The following SLC26A7 variants were observed in gnomAD, a reference collection of about 807,000 sequenced individuals.
SLC26A7 encodes the protein anion exchange transporter.
In SLC26A7, 59 loss-of-function variants were observed where a neutral mutation model predicts 82.5. That is an observed-to-expected ratio of 0.72 (90% CI 0.58 to 0.89). SLC26A7 has a LOEUF of 0.89. SLC26A7 is among the 40% of genes least tolerant of loss of function. The probability of loss-of-function intolerance (pLI) is 0.00; values close to 1 mark genes in which losing one functional copy is unlikely to be tolerated. For missense variants in SLC26A7, 820 were observed against 793.0 expected, an observed-to-expected ratio of 1.03 and a Z score of -0.41; for synonymous variants, 271 against 274.3, an observed-to-expected ratio of 0.99 and a Z score of 0.12.
chr8:91,291,161 A>T (rs983586578), intron 3 of SLC26A7, among the ~76,000 whole-genome samples: 3 of 152,090 alleles, frequency 2.0e-5, no homozygotes, highest in Non-Finnish European at 4.4e-5. Flanking sequence ...ATGTTATTTT[A>T]TTTTGTTCTA....
At chr8:91,356,732 A>G (rs943607052) in intron 11 of SLC26A7, among the ~76,000 whole-genome samples, 1 of 152,086 alleles carries the variant, frequency 6.6e-6, no homozygotes, top group Non-Finnish European at 1.5e-5. Flanking sequence ...TTTTTAGTTT[A>G]ATTAGATCCC....
At chr8:91,306,268 T>G (rs1445098711) in intron 4 of SLC26A7, among the ~76,000 whole-genome samples, 2 of 152,204 alleles carry the variant, frequency 1.3e-5, no homozygotes, top group African/African-American at 4.8e-5. Flanking sequence ...TGAAATCCAG[T>G]GGCACATGTT....
At chr8:91,343,886 T>C in intron 9 of SLC26A7, 1 of 395,958 alleles carries the variant, frequency 2.5e-6, no homozygotes, top group South Asian at 1.1e-4. Context: ...TACAAGTATA[T>C]AAATGAATAA....
At chr8:91,307,106 C>G (rs1264485508) in intron 4 of SLC26A7, among the ~76,000 whole-genome samples, 1 of 135,746 alleles carries the variant, frequency 7.4e-6, no homozygotes, top group Non-Finnish European at 1.6e-5. Context: ...GAGATACCAT[C>G]TCACACCAGT....
intron 2 of SLC26A7, among the ~76,000 whole-genome samples, chr8:91,232,442 T>C (rs1201192511): frequency 6.6e-6 from 1 of 152,210 alleles, no homozygotes; most frequent in Admixed American, 6.5e-5. Flanking sequence ...ACAAAAAAAG[T>C]CCTTTTCCAC....
At chr8:91,340,937 G>A (rs993266434) in intron 8 of SLC26A7, among the ~76,000 whole-genome samples, 1 of 151,588 alleles carries the variant, frequency 6.6e-6, no homozygotes, top group African/African-American at 2.4e-5. Context: ...ACCAAGGGAT[G>A]TAGATTATAC....
intron 11 of SLC26A7, among the ~76,000 whole-genome samples, chr8:91,360,969 T>A (rs1362985754): frequency 2.6e-5 from 4 of 152,134 alleles, no homozygotes; most frequent in African/African-American, 7.2e-5. Flanking sequence ...AATGACTGAC[T>A]GTGTGTTCAC....
intron 4 of SLC26A7, among the ~76,000 whole-genome samples, chr8:91,302,906 CAGT>C (rs1048405788): frequency 7.0e-6 from 1 of 143,810 alleles, no homozygotes; most frequent in Non-Finnish European, 1.5e-5. Context: ...GGTTTTATAA[CAGT>C]AGGAACTCTT....
At chr8:91,393,342 T>A (rs1031522657) in intron 16 of SLC26A7, among the ~76,000 whole-genome samples, 3 of 152,110 alleles carry the variant, frequency 2.0e-5, no homozygotes, top group Non-Finnish European at 4.4e-5. Context: ...AAACTTGGCT[T>A]GGATTATAGT....
At chr8:91,231,771 G>T (rs1810313711) in intron 2 of SLC26A7, among the ~76,000 whole-genome samples, 1 of 152,054 alleles carries the variant, frequency 6.6e-6, no homozygotes, top group South Asian at 2.1e-4. Flanking sequence ...GGAACTCTGT[G>T]TGTATGTGTG....
At chr8:91,328,275 C>A (rs766848602) in intron 5 of SLC26A7, among the ~76,000 whole-genome samples, 6 of 151,988 alleles carry the variant, frequency 3.9e-5, no homozygotes, top group Non-Finnish European at 7.4e-5. Flanking sequence ...CCAGAGAGAT[C>A]TTTATTTATC....
chr8:91,363,018 T>A (rs1393398799), intron 12 of SLC26A7, among the ~76,000 whole-genome samples: 2 of 152,098 alleles, frequency 1.3e-5, no homozygotes, highest in African/African-American at 4.8e-5. Context: ...TTCACATCCA[T>A]CTTTCCCTTA....
At chr8:91,257,043 C>A (rs1313896407) in intron 2 of SLC26A7, among the ~76,000 whole-genome samples, 1 of 152,086 alleles carries the variant, frequency 6.6e-6, no homozygotes, top group Non-Finnish European at 1.5e-5. Flanking sequence ...CCTCAGGCTG[C>A]CCCTTCCCAT....
chr8:91,347,270 A>G (rs1813587791), intron 9 of SLC26A7, among the ~76,000 whole-genome samples: 1 of 152,196 alleles, frequency 6.6e-6, no homozygotes, highest in African/African-American at 2.4e-5. Flanking sequence ...AGAAAATCCC[A>G]TTTAAAACCA....
chr8:91,249,572 T>G lies in SLC26A7; in HGVS notation c.-80T>G, dbSNP rs966591908. 9.5e-6 allele frequency: 11 copies of G among 1,156,410 alleles called. No homozygotes were observed. The highest frequency in any genetic ancestry group is 1.2e-5 in the Non-Finnish European group (10 of 860,288). The allele number at this position is 1,156,410 out of a possible 1,614,324, so 71.6% of individuals were successfully genotyped here. On this transcript the variant is annotated 5_prime_UTR_variant, in exon 2 of 19. Coordinates refer to ENST00000276609, the MANE Select transcript of SLC26A7 (RefSeq NM_052832.4). ...TTGTAAACCACAGACGAATTGGAGC[T>G]TGGCATTGAAAGGAGGTGTTCTGCA...
chr8:91,374,420 G>A (rs1397375101), intron 15 of SLC26A7, among the ~76,000 whole-genome samples: 1 of 150,710 alleles, frequency 6.6e-6, no homozygotes, highest in Non-Finnish European at 1.5e-5. Context: ...GGTTTGTTAT[G>A]TTGTATCTCT....
Position 91,352,913 on chromosome 8 carries a change from A to G in SLC26A7, c.1231A>G (p.Ser411Gly). ...GTTTTATTTCTAGTGTGTCCTTGCA[A>G]GCATTATTGTTGTGGGACTGAAGGG... is the stretch of plus-strand genomic sequence containing the variant. ...LYWLPMCVLA[S>G]IIVVGLKGML... Residue 411 changes from serine to glycine, a missense_variant, in exon 11 of 19, where the codon AGC (serine) becomes GGC (glycine). Coordinates refer to ENST00000276609, the MANE Select transcript of SLC26A7 (RefSeq NM_052832.4). 6.2e-7 allele frequency: 1 copy of G among 1,602,344 alleles called. No homozygotes were observed. Among genetic ancestry groups the G allele is most frequent in the East Asian group, 2.3e-5 (1 of 44,414 alleles).
chr8:91,232,493 T>C (rs1019312521), intron 2 of SLC26A7, among the ~76,000 whole-genome samples: 1 of 152,332 alleles, frequency 6.6e-6, no homozygotes, highest in African/African-American at 2.4e-5. Context: ...GTATATTCCC[T>C]TTTATATTTT....
In SLC26A7 at chr8:91,337,010, T is replaced by C. The variant is rs1183539059; in HGVS notation, c.796-1140T>C. ...TGATTCTAACTTAATAGCCTGAATC[T>C]TTAGCTACTACTAGTTTCTTTAGAA... On this transcript the variant is annotated intron_variant, in intron 6 of 18. Transcript: ENST00000276609. 2.0e-5 allele frequency among the ~76,000 whole-genome samples: 3 copies of C among 152,212 alleles called. No individual in the cohort carries two copies. The East Asian group carries it at 5.8e-4, about 29-fold the overall frequency.
Sources: gnomAD v4.1 joint callset for allele counts (sites outside exome capture counted in the v4.1 genomes callset) on GRCh38, gnomAD v4.1.1 for gene constraint, MANE v1.5 for transcripts, NCBI Gene and HGNC (gene_info 2026-07-23, HGNC 2026-07-21) for gene names.